IFT74: variants seen among roughly 807,000 people sequenced by gnomAD.
IFT74 encodes intraflagellar transport protein 74 homolog.
IFT74 carries 92 observed loss-of-function variants against 96.7 expected under a neutral mutation model. The observed-to-expected ratio is 0.95, with a 90% CI of 0.80 to 1.13. IFT74 has a LOEUF of 1.13. Ranked by LOEUF, IFT74 falls within the 50% of genes most tolerant of loss-of-function variation. The pLI is 0.00. For missense variants in IFT74, 811 were observed against 698.2 expected, an observed-to-expected ratio of 1.16 and a Z score of -1.82; for synonymous variants, 223 against 213.2, an observed-to-expected ratio of 1.05 and a Z score of -0.40.
At chr9:26,961,880 T>A in intron 1 of IFT74, 69 bp from the exon 2 acceptor site, 1 of 1,504,716 alleles carries the variant, frequency 6.6e-7, no homozygotes, top group East Asian at 2.3e-5. Context: ...AATGTAAGGG[T>A]ATGATGGGTC....
intron 1 of IFT74, among the ~76,000 whole-genome samples, chr9:26,950,025 T>G (rs1165177368): frequency 6.6e-6 from 1 of 151,792 alleles, no homozygotes; most frequent in Non-Finnish European, 1.5e-5. Flanking sequence ...AAAAGCAAGC[T>G]AATTAGGCTG....
chr9:27,038,240 G>C (rs1819292687), intron 13 of IFT74, among the ~76,000 whole-genome samples: 1 of 152,106 alleles, frequency 6.6e-6, no homozygotes, highest in Non-Finnish European at 1.5e-5. Flanking sequence ...TATTGGTGCA[G>C]AAGTCAGGAA....
chr9:26,950,380 A>G (rs1286582593), intron 1 of IFT74, among the ~76,000 whole-genome samples: 1 of 152,056 alleles, frequency 6.6e-6, no homozygotes, highest in Non-Finnish European at 1.5e-5. Context: ...GAGCATGTCT[A>G]TTCTTTAGCA....
intron 4 of IFT74, among the ~76,000 whole-genome samples, chr9:26,982,052 G>A (rs1827400259): frequency 6.6e-6 from 1 of 151,900 alleles, no homozygotes; most frequent in South Asian, 2.1e-4. Flanking sequence ...TATAGGCTGA[G>A]CCACCGCACC....
At chr9:27,038,469 C>G (rs1819306632) in intron 13 of IFT74, among the ~76,000 whole-genome samples, 1 of 152,126 alleles carries the variant, frequency 6.6e-6, no homozygotes, top group Admixed American at 6.5e-5. Context: ...ACCATATTGC[C>G]CAGGCTGCTC....
chr9:27,030,703 AT>A (rs1364163770), intron 13 of IFT74, among the ~76,000 whole-genome samples: 4 of 152,202 alleles, frequency 2.6e-5, no homozygotes, highest in Admixed American at 6.5e-5. Context: ...AAAGCGGAGT[AT>A]TATTGGCAGA....
At chr9:26,972,653 G>T (rs968411366) in intron 2 of IFT74, among the ~76,000 whole-genome samples, 1 of 152,138 alleles carries the variant, frequency 6.6e-6, no homozygotes, top group Non-Finnish European at 1.5e-5. Flanking sequence ...TTACTTTTTA[G>T]TGAGTATGAG....
intron 8 of IFT74, among the ~76,000 whole-genome samples, chr9:27,002,089 A>T (rs1271047396): frequency 6.6e-6 from 1 of 152,144 alleles, no homozygotes; most frequent in Admixed American, 6.6e-5. Flanking sequence ...CTAGAGAAGG[A>T]GGAAGAAAGA....
intron 12 of IFT74, among the ~76,000 whole-genome samples, chr9:27,022,468 A>C (rs948096975): frequency 2.6e-5 from 4 of 152,108 alleles, no homozygotes; most frequent in Admixed American, 2.6e-4. Flanking sequence ...TGAGCATGGA[A>C]TATGTTTCCA....
intron 2 of IFT74, among the ~76,000 whole-genome samples, chr9:26,976,235 T>A (rs572167317): frequency 4.6e-5 from 7 of 152,218 alleles, no homozygotes; most frequent in African/African-American, 1.4e-4. Flanking sequence ...AGACCTCTTC[T>A]TGAAGGAGAA....
intron 1 of IFT74, among the ~76,000 whole-genome samples, chr9:26,957,004 T>A (rs2131466388): frequency 6.6e-6 from 1 of 152,366 alleles, no homozygotes; most frequent in Non-Finnish European, 1.5e-5. Flanking sequence ...GTCACCCTTC[T>A]GTTTTACAGA....
intron 16 of IFT74, among the ~76,000 whole-genome samples, chr9:27,050,880 A>T (rs1195517185): frequency 6.6e-6 from 1 of 152,194 alleles, no homozygotes; most frequent in Non-Finnish European, 1.5e-5. Context: ...AACTTAAAGT[A>T]TAATAATATA....
chr9:27,027,240 T>TA (rs1829909736), intron 12 of IFT74, among the ~76,000 whole-genome samples: 1 of 151,692 alleles, frequency 6.6e-6, no homozygotes. Context: ...TTCCTGGAAA[T>TA]ATACAATCCT....
chr9:27,051,128 G>A (rs1819901572), intron 16 of IFT74, among the ~76,000 whole-genome samples: 1 of 152,102 alleles, frequency 6.6e-6, no homozygotes, highest in South Asian at 2.1e-4. Context: ...GTAATCATAA[G>A]TATATGTGCT....
upstream of IFT74, among the ~76,000 whole-genome samples, chr9:26,954,125 AG>A (rs1325134146): frequency 1.3e-5 from 2 of 152,234 alleles, no homozygotes; most frequent in Non-Finnish European, 2.9e-5. Context: ...CCCTACTGTC[AG>A]GGTTTGTTAT....
At chr9:26,974,246 TG>T (rs1827002562) in intron 2 of IFT74, among the ~76,000 whole-genome samples, 1 of 152,196 alleles carries the variant, frequency 6.6e-6, no homozygotes, top group South Asian at 2.1e-4. Flanking sequence ...TTTGCTTTTC[TG>T]CGTCTCTCCT....
At chr9:26,992,002 A>C (rs543412761) in intron 8 of IFT74, among the ~76,000 whole-genome samples, 4 of 151,748 alleles carry the variant, frequency 2.6e-5, no homozygotes, top group South Asian at 4.1e-4. Context: ...GTGCCACTGC[A>C]CTCCAGCCTG....
At chr9:26,965,157 A>G (rs1826551492) in intron 2 of IFT74, among the ~76,000 whole-genome samples, 1 of 152,214 alleles carries the variant, frequency 6.6e-6, no homozygotes, top group Non-Finnish European at 1.5e-5. Flanking sequence ...CAAAAGTTTA[A>G]AAGTGATATC....
chr9:27,034,219 C>A (rs552818809), intron 13 of IFT74, among the ~76,000 whole-genome samples: 2 of 152,142 alleles, frequency 1.3e-5, no homozygotes, highest in South Asian at 4.1e-4. Context: ...TATTAAAATA[C>A]CATAATACAT....
Sources: gnomAD v4.1 joint callset for allele counts (sites outside exome capture counted in the v4.1 genomes callset) on GRCh38, gnomAD v4.1.1 for gene constraint, MANE v1.5 for transcripts, NCBI Gene and HGNC (gene_info 2026-07-23, HGNC 2026-07-21) for gene names.